Variants in CUL2 observed in about 807,000 individuals in gnomAD.
CUL2 encodes cullin-2.
A neutral mutation model predicts 110.2 loss-of-function variants in CUL2; 22 were observed. The ratio of observed to expected loss-of-function variants is 0.20; its 90% CI spans 0.14 to 0.28. The LOEUF is 0.28. CUL2 is among the 10% of genes least tolerant of loss of function. The pLI, the probability that CUL2 is intolerant of heterozygous loss-of-function variation, is 1.00. For synonymous variants in CUL2, 279 were observed against 293.2 expected (o/e 0.95, Z 0.49); for missense variants, 631 against 905.5 (o/e 0.70, Z 3.89).
chr10:35,033,118 T>G, intron 11 of CUL2, 48 bp downstream of exon 11: 1 of 1,146,912 alleles, frequency 8.7e-7, no homozygotes, highest in African/African-American at 1.6e-5. Flanking sequence ...GCCTAAAGAA[T>G]GATAGAGTTT....
At chr10:35,080,668 C>A (rs2086925626) in intron 1 of CUL2, among the ~76,000 whole-genome samples, 1 of 152,014 alleles carries the variant, frequency 6.6e-6, no homozygotes, top group Non-Finnish European at 1.5e-5. Flanking sequence ...GTTGCCCAGG[C>A]TGGTCTTGAA....
chr10:35,010,240 C>A lies in CUL2; in HGVS notation c.*71G>T. 1 of 1,449,694 alleles carries A rather than the reference C, an allele frequency of 6.9e-7. No individual in the cohort carries two copies. Among genetic ancestry groups the A allele is most frequent in the Non-Finnish European group, 9.2e-7 (1 of 1,091,376 alleles). 89.8% of individuals were successfully genotyped at this position (1,449,694 alleles called of 1,614,324 possible). ...ACCAAATTATGGAGGCACAGTCCTG[C>A]TTTTTCCCACAGGAACACACCAAAT... On this transcript the variant is annotated 3_prime_UTR_variant, in exon 21 of 21. Transcript: ENST00000374749.
chr10:35,047,376 C>G (rs1331842702), intron 6 of CUL2, among the ~76,000 whole-genome samples: 1 of 151,572 alleles, frequency 6.6e-6, no homozygotes, highest in African/African-American at 2.4e-5. Flanking sequence ...TTTGGAAGGC[C>G]GAGGCGGGTG....
At chr10:35,022,097 G>T (rs1051218751) in intron 17 of CUL2, among the ~76,000 whole-genome samples, 3 of 152,036 alleles carry the variant, frequency 2.0e-5, no homozygotes, top group African/African-American at 7.3e-5. Context: ...CTTCCTACTA[G>T]ACATGAGTTT....
At chr10:35,027,439 C>T (rs920304803) in intron 16 of CUL2, among the ~76,000 whole-genome samples, 7 of 152,030 alleles carry the variant, frequency 4.6e-5, no homozygotes, top group African/African-American at 9.7e-5. Context: ...CCACCGCGCC[C>T]GGCAACTTTA....
intron 15 of CUL2, 142 bp from the exon 16 acceptor site, chr10:35,029,029 C>T (rs1017782159): frequency 3.5e-6 from 2 of 571,870 alleles, no homozygotes; most frequent in African/African-American, 1.9e-5. Context: ...TCTATCATGG[C>T]ACATTTCATT....
intron 5 of CUL2, among the ~76,000 whole-genome samples, chr10:35,050,132 C>A (rs1377329379): frequency 6.6e-6 from 1 of 151,948 alleles, no homozygotes; most frequent in Non-Finnish European, 1.5e-5. Context: ...ACCATCCTGG[C>A]TAACATGGCA....
intron 1 of CUL2, among the ~76,000 whole-genome samples, chr10:35,125,457 G>A (rs536402256): frequency 6.6e-6 from 1 of 152,222 alleles, no homozygotes; most frequent in Non-Finnish European, 1.5e-5. Flanking sequence ...AGAGACAATT[G>A]TTGTGGATAC....
intron 17 of CUL2, among the ~76,000 whole-genome samples, chr10:35,021,933 C>T (rs943552250): frequency 4.9e-5 from 7 of 141,566 alleles, no homozygotes; most frequent in Admixed American, 1.4e-4. Flanking sequence ...AGGGGGCACC[C>T]GGCCCTATTA....
chr10:35,025,022 TGGA>T (rs1375135236), intron 17 of CUL2, 107 bp downstream of exon 17: 1 of 1,323,614 alleles, frequency 7.6e-7, no homozygotes, highest in Non-Finnish European at 9.7e-7. Context: ...GAAAGGTTGA[TGGA>T]GGAGAAAAGG....
intron 17 of CUL2, among the ~76,000 whole-genome samples, chr10:35,023,338 C>A (rs2134677915): frequency 6.6e-6 from 1 of 152,128 alleles, no homozygotes; most frequent in East Asian, 1.9e-4. Context: ...AAAAAATAAA[C>A]TTATAAGGTT....
In CUL2 at chr10:35,077,426, G is replaced by C. The variant is rs551917683; in HGVS notation, c.-22-6087C>G. On this transcript the variant is annotated intron_variant, in intron 1 of 20. Coordinates refer to ENST00000374749, the MANE Select transcript of CUL2 (RefSeq NM_003591.4). The stretch of plus-strand genomic sequence containing the variant: ...GGAGGAGAATCGCTTGAACCTGAGA[G>C]GTGGAGGTTGTGGTGAGCCAAGATC... 1.2e-4 allele frequency among the ~76,000 whole-genome samples: 18 copies of C among 151,518 alleles called. No homozygotes were observed. In the South Asian group the frequency reaches 3.8e-3, roughly 32 times the overall value.
chr10:35,108,664 T>G (rs931813965), intron 1 of CUL2, among the ~76,000 whole-genome samples: 1 of 151,938 alleles, frequency 6.6e-6, no homozygotes, highest in African/African-American at 2.4e-5. Context: ...GATTTGGGAG[T>G]GGCTTAGCTG....
intron 19 of CUL2, 74 bp downstream of exon 19, chr10:35,013,625 C>T: frequency 1.0e-6 from 1 of 962,012 alleles, no homozygotes; most frequent in Non-Finnish European, 1.5e-6. Flanking sequence ...TGCACAATCT[C>T]AATGTAAACA....
Position 35,033,029 on chromosome 10 carries a change from A to G in CUL2, c.1110+137T>C, listed in dbSNP as rs2085517344. 7 of 436,774 alleles carry G rather than the reference A, an allele frequency of 1.6e-5. No homozygotes were observed. The South Asian group carries it at 4.1e-4, about 26-fold the overall frequency. The allele number at this position is 436,774 out of a possible 1,614,324, so 27.1% of individuals were successfully genotyped here. A position where few individuals can be genotyped will look rare whatever the true frequency, so the allele number is the denominator to read the frequency against. On this transcript the variant is annotated intron_variant, in intron 11 of 20. Transcript: ENST00000374749. ...ATAATTTAAAAATTATATTATTTCT[A>G]TTTTGAATTTCATATCAAAATTACT...
In CUL2 at chr10:35,062,851, G is replaced by A. The variant is rs2086419287; in HGVS notation, c.222+109C>T. ...GACCCTGTATTTAAAAAAAGCAGCA[G>A]CAGCAGCAAAACAAGCTGACCTTGA... On this transcript the variant is annotated intron_variant, in intron 3 of 20. Transcript: ENST00000374749. 3.8e-5 allele frequency: 25 copies of A among 656,094 alleles called. 1 individual carries two copies. The South Asian group carries it at 4.7e-4, about 12-fold the overall frequency. 40.6% of individuals were successfully genotyped at this position (656,094 alleles called of 1,614,324 possible).
intron 1 of CUL2, among the ~76,000 whole-genome samples, chr10:35,103,449 C>G (rs549572779): frequency 1.3e-5 from 2 of 150,634 alleles, no homozygotes; most frequent in African/African-American, 2.4e-5. Flanking sequence ...CTCAGCCTCC[C>G]GAGTAGCTGG....
chr10:35,038,710 C>T (rs926617149), intron 9 of CUL2, among the ~76,000 whole-genome samples: 44 of 151,632 alleles, frequency 2.9e-4, no homozygotes, highest in African/African-American at 1.0e-3. Flanking sequence ...TGTATAAACA[C>T]AATTTCCCAC....
In CUL2 at chr10:35,028,901, AAT is replaced by A; in HGVS notation, c.1540-16_1540-15del. The A allele has an allele frequency of 6.7e-7, 1 of 1,498,096 alleles. No individual in the cohort carries two copies. Among genetic ancestry groups the A allele is most frequent in the Non-Finnish European group, 9.2e-7 (1 of 1,090,126 alleles). The allele number at this position is 1,498,096 out of a possible 1,614,324, so 92.8% of individuals were successfully genotyped here. A position where few individuals can be genotyped will look rare whatever the true frequency, so the allele number is the denominator to read the frequency against. On this transcript the variant is annotated splice_polypyrimidine_tract_variant and intron_variant, in intron 15 of 20. Transcript: ENST00000374749. ...CCACGCACCAGCCTAGAAGGAAAAA[AAT>A]AAAATAAAATAAGCTAAATGGATCA...
Sources: allele counts gnomAD v4.1 joint callset (sites outside exome capture counted in the v4.1 genomes callset), GRCh38; gene constraint gnomAD v4.1.1; transcripts MANE v1.5; gene names NCBI Gene and HGNC (gene_info 2026-07-23, HGNC 2026-07-21).